RBM7: variants seen among roughly 807,000 people sequenced by gnomAD.
The protein encoded by RBM7 is RNA binding motif protein 7.
RBM7 carries 13 observed loss-of-function variants against 31.0 expected under a neutral mutation model. That is an observed-to-expected ratio of 0.42 (90% CI 0.27 to 0.67). RBM7 has a LOEUF of 0.67. Ranked by LOEUF, RBM7 falls within the 30% of genes least tolerant of loss-of-function variation. RBM7 has a pLI of 0.24. For synonymous variants in RBM7, 106 were observed against 111.2 expected (o/e 0.95, Z 0.30); for missense variants, 245 against 326.2 (o/e 0.75, Z 1.92).
rs1259224566 is a variant in RBM7, at chr11:114,410,479, G to A, written c.*2672G>A. 1 of 152,104 alleles carries A rather than the reference G, an allele frequency of 6.6e-6. No individual in the cohort carries two copies. Among genetic ancestry groups the A allele is most frequent in the African/African-American group, 2.4e-5 (1 of 41,416 alleles). 9.4% of individuals were successfully genotyped at this position (152,104 alleles called of 1,614,324 possible). ...ATCTTAGAGTAGGCAATTTTCTCAAGAGGATTATTCCAAGAACACCCTAAT... is the reference window on the plus strand; with the variant it reads ...ATCTTAGAGTAGGCAATTTTCTCAAAAGGATTATTCCAAGAACACCCTAAT... On this transcript the variant is annotated 3_prime_UTR_variant, in exon 5 of 5. Coordinates refer to ENST00000375490, the MANE Select transcript of RBM7 (RefSeq NM_001286045.2).
intron 4 of RBM7, 89 bp downstream of exon 4, chr11:114,405,888 T>C (rs1220340465): frequency 5.5e-6 from 5 of 907,088 alleles, no homozygotes; most frequent in Non-Finnish European, 8.2e-6. Flanking sequence ...TGGTTTTTAA[T>C]TAACTTTGTT....
Position 114,405,810 on chromosome 11 carries a change from T to G in RBM7, c.441+11T>G, listed in dbSNP as rs1946259739. ...CAGAGACAAGCAGTGGTAGGTTGAC[T>G]ATTTTTCAACTTGAATTGCCAAAAA... On this transcript the variant is annotated intron_variant, in intron 4 of 4. Transcript: ENST00000375490. 1 of 1,531,408 alleles carries G rather than the reference T, an allele frequency of 6.5e-7. No individual in the cohort carries two copies. The highest frequency in any genetic ancestry group is 2.3e-5 in the East Asian group (1 of 43,270). 94.9% of individuals were successfully genotyped at this position (1,531,408 alleles called of 1,614,324 possible).
At chr11:114,400,913 G>C (rs1046817404) in intron 1 of RBM7, 146 bp downstream of exon 1, 10 of 833,810 alleles carry the variant, frequency 1.2e-5, no homozygotes, top group East Asian at 2.7e-5. Context: ...GTTGCGAAAC[G>C]CTCGCTGGGT....
chr11:114,402,654 G>A (rs567645706), intron 2 of RBM7, among the ~76,000 whole-genome samples, 174 bp from the exon 3 acceptor site: 3 of 151,896 alleles, frequency 2.0e-5, no homozygotes, highest in African/African-American at 4.8e-5. Flanking sequence ...ATGTGCCCAC[G>A]TCAGCCTCCC....
Position 114,401,867 on chromosome 11 carries a change from G to A in RBM7, c.259+7G>A. 1.3e-6 allele frequency: 2 copies of A among 1,582,470 alleles called. No individual in the cohort carries two copies. The highest frequency in any genetic ancestry group is 8.6e-7 in the Non-Finnish European group (1 of 1,168,854). On this transcript the variant is annotated splice_region_variant and intron_variant, in intron 2 of 4. Coordinates refer to ENST00000375490, the MANE Select transcript of RBM7 (RefSeq NM_001286045.2). ...AAAATTCAATTTAGATCAGGTAACT[G>A]CCCAATGAGGTTCGGGGGGCATTGT...
rs1946316052 is a variant in RBM7 at position 114,409,947 on chromosome 11, T to A, written c.*2140T>A. On this transcript the variant is annotated 3_prime_UTR_variant, in exon 5 of 5. Coordinates refer to ENST00000375490, the MANE Select transcript of RBM7 (RefSeq NM_001286045.2). ...TTGAGCATCCCTTATTCAAAATGCT[T>A]GAGAAGTGTTTTGGGTTCTGGAATA... The A allele has an allele frequency of 1.3e-5, 2 of 152,118 alleles. No homozygotes were observed. Among genetic ancestry groups the A allele is most frequent in the Non-Finnish European group, 2.9e-5 (2 of 68,032 alleles). 9.4% of individuals were successfully genotyped at this position (152,118 alleles called of 1,614,324 possible). A position where few individuals can be genotyped will look rare whatever the true frequency, so the allele number is the denominator to read the frequency against.
At chr11:114,403,625 C>T (rs1384094976) in intron 3 of RBM7, among the ~76,000 whole-genome samples, 1 of 152,128 alleles carries the variant, frequency 6.6e-6, no homozygotes, top group Non-Finnish European at 1.5e-5. Flanking sequence ...TAATAAATAC[C>T]TGCCATATGT....
rs1234125075 is a variant in RBM7 at position 114,408,108 on chromosome 11, T to C, written c.*301T>C. 1 of 179,416 alleles carries C rather than the reference T, an allele frequency of 5.6e-6. No homozygotes were observed. Among genetic ancestry groups the C allele is most frequent in the East Asian group, 1.3e-4 (1 of 7,448 alleles). The allele number at this position is 179,416 out of a possible 1,614,324, so 11.1% of individuals were successfully genotyped here. On this transcript the variant is annotated 3_prime_UTR_variant, in exon 5 of 5. Transcript: ENST00000375490. ...TTGTATGATAAAGCAGATATTTTAA[T>C]TATTTGTTATCTTTTTGTATTGCAA...
chr11:114,402,798 A>G, intron 2 of RBM7, 30 bp from the exon 3 acceptor site: 1 of 1,544,926 alleles, frequency 6.5e-7, no homozygotes, highest in Non-Finnish European at 8.9e-7. Flanking sequence ...TTTTCTATCA[A>G]GAATAATTTT....
chr11:114,402,400 T>C (rs1946216470), intron 2 of RBM7, among the ~76,000 whole-genome samples: 1 of 95,232 alleles, frequency 1.1e-5, no homozygotes, highest in African/African-American at 5.3e-5. Context: ...TTTTTTTTTT[T>C]TTTTTTTTTT....
chr11:114,400,794 C>G, intron 1 of RBM7, 27 bp downstream of exon 1: 1 of 1,613,648 alleles, frequency 6.2e-7, no homozygotes, highest in Non-Finnish European at 8.5e-7. Flanking sequence ...GGCCCTTTGC[C>G]TTTCGTTTTC....
chr11:114,405,798 TG>T lies in RBM7; in HGVS notation c.441+1del. On this transcript the variant is annotated frameshift_variant and splice_region_variant, in exon 4 of 5. Transcript: ENST00000375490. LOFTEE classifies it high-confidence loss of function. ...SSPENFQRQA[V>X]MNSALRQMSY... The stretch of plus-strand genomic sequence containing the variant: ...CCAGAAAATTTTCAGAGACAAGCAG[TG>T]GTAGGTTGACTATTTTTCAACTTGA... The T allele has an allele frequency of 6.4e-7, 1 of 1,569,060 alleles. No individual in the cohort carries two copies. The highest frequency in any genetic ancestry group is 8.7e-7 in the Non-Finnish European group (1 of 1,151,390).
At position 114,407,547 on chromosome 11, in the gene RBM7, TTCAA is replaced by T. The variant is rs1946282182; in HGVS notation, c.548_551del (p.Asn183SerfsTer20). The T allele has an allele frequency of 6.2e-7, 1 of 1,614,094 alleles. No homozygotes were observed. On this transcript the variant is annotated frameshift_variant, in exon 5 of 5. Coordinates refer to ENST00000375490, the MANE Select transcript of RBM7 (RefSeq NM_001286045.2). LOFTEE classifies it high-confidence loss of function. ...ATCAGTTCAATCACACAGTCATAGT[TTCAA>T]TCAGTCTTCAAGCTCCCAGTGGCGC...
rs5794912 is a variant in RBM7 at position 114,404,690 on chromosome 11, G to GAA, written c.348-1006_348-1005dup. On this transcript the variant is annotated intron_variant, in intron 3 of 4. Coordinates refer to ENST00000375490, the MANE Select transcript of RBM7 (RefSeq NM_001286045.2). ...CTCTCTCTATTTAAAGAATTTCTTTGAAAAAAAAAAAGTACAAGTAAATAC... is the reference window on the plus strand; with the variant it reads ...CTCTCTCTATTTAAAGAATTTCTTTGAAAAAAAAAAAAAGTACAAGTAAATAC... 5.4e-4 allele frequency among the ~76,000 whole-genome samples: 80 copies of GAA among 147,332 alleles called. No homozygotes were observed. In the East Asian group the frequency reaches 0.012, roughly 22 times the overall value.
intron 4 of RBM7, 48 bp from the exon 5 acceptor site, chr11:114,407,397 G>A (rs1946278561): frequency 6.5e-7 from 1 of 1,546,890 alleles, no homozygotes; most frequent in African/African-American, 1.4e-5. Flanking sequence ...ATACATATTA[G>A]CTTTGATATC....
chr11:114,405,144 C>A (rs545131667), intron 3 of RBM7, among the ~76,000 whole-genome samples: 1 of 152,262 alleles, frequency 6.6e-6, no homozygotes, highest in East Asian at 1.9e-4. Context: ...TTTTAGTTTT[C>A]AATCTAGGTC....
At chr11:114,404,558 C>A (rs978998475) in intron 3 of RBM7, among the ~76,000 whole-genome samples, 1 of 151,922 alleles carries the variant, frequency 6.6e-6, no homozygotes, top group African/African-American at 2.4e-5. Context: ...GGAGAAAAAA[C>A]CAGGTGCAGT....
At chr11:114,402,590 A>G (rs1946220120) in intron 2 of RBM7, among the ~76,000 whole-genome samples, 1 of 151,402 alleles carries the variant, frequency 6.6e-6, no homozygotes, top group Non-Finnish European at 1.5e-5. Flanking sequence ...TTTTTAGTAG[A>G]GGTGGGGTTT....
Position 114,407,810 on chromosome 11 carries a change from CAT to C in RBM7, c.*4_*5del, listed in dbSNP as rs1591200806. 6.3e-7 allele frequency: 1 copy of C among 1,596,992 alleles called. No individual in the cohort carries two copies. Among genetic ancestry groups the C allele is most frequent in the Middle Eastern group, 1.7e-4 (1 of 6,002 alleles). On this transcript the variant is annotated 3_prime_UTR_variant, in exon 5 of 5. Coordinates refer to ENST00000375490, the MANE Select transcript of RBM7 (RefSeq NM_001286045.2). The stretch of plus-strand genomic sequence containing the variant: ...AATGGCGCTCATCTCGACACTAACA[CAT>C]GTTAAAAGGACATTGTTTTTATAGG...
Sources: allele counts gnomAD v4.1 joint callset (sites outside exome capture counted in the v4.1 genomes callset), GRCh38; gene constraint gnomAD v4.1.1; transcripts MANE v1.5; gene names NCBI Gene and HGNC (gene_info 2026-07-23, HGNC 2026-07-21).